The following SLC35D4 variants were observed in gnomAD, a reference collection of about 807,000 sequenced individuals.
SLC35D4 encodes UDP-N-acetylglucosamine transporter SLC35D4.
the SLC35D4 span, chr18:23,421,358 A>C: frequency 6.2e-7 from 1 of 1,612,498 alleles, no homozygotes; most frequent in Non-Finnish European, 8.5e-7. Flanking sequence ...CAGCATAGAG[A>C]GGTTATACCT....
chr18:23,370,146 T>C, the SLC35D4 span: 1 of 1,394,448 alleles, frequency 7.2e-7, no homozygotes, highest in East Asian at 2.5e-5. Flanking sequence ...GCCATTGCAC[T>C]CCAGATCACG....
At chr18:23,253,584 C>T in the SLC35D4 span, 2 of 679,240 alleles carry the variant, frequency 2.9e-6, no homozygotes, top group Non-Finnish European at 2.5e-6. Flanking sequence ...ATAACGCAGC[C>T]TTCACACTCC....
chr18:23,295,935 A>G, the SLC35D4 span: 1 of 152,136 alleles, frequency 6.6e-6, no homozygotes, highest in African/African-American at 2.4e-5. Flanking sequence ...TATTTGAAAC[A>G]TCTATTAGGA....
chr18:23,432,729 C>T, the SLC35D4 span, among the ~76,000 whole-genome samples: 12 of 149,726 alleles, frequency 8.0e-5, no homozygotes, highest in East Asian at 2.0e-4. Flanking sequence ...GAGCCATTGA[C>T]GCCTGTAATT....
the SLC35D4 span, chr18:23,376,793 C>T: frequency 2.2e-6 from 1 of 456,400 alleles, no homozygotes; most frequent in Non-Finnish European, 4.4e-6. Context: ...AGACACCTGC[C>T]TGCCTTCCCA....
the SLC35D4 span, among the ~76,000 whole-genome samples, chr18:23,247,496 C>T: frequency 1.2e-4 from 19 of 152,332 alleles, no homozygotes; most frequent in Admixed American, 9.1e-4. Context: ...TTGCCTGGTC[C>T]GCTGTGGCAG....
the SLC35D4 span, among the ~76,000 whole-genome samples, chr18:23,393,570 C>T: frequency 6.6e-6 from 1 of 152,148 alleles, no homozygotes; most frequent in Non-Finnish European, 1.5e-5. Context: ...ATGTTGCAGC[C>T]AGGATTTTCT....
the SLC35D4 span, among the ~76,000 whole-genome samples, chr18:23,418,962 C>T: frequency 6.6e-5 from 10 of 151,450 alleles, no homozygotes; most frequent in African/African-American, 1.7e-4. Context: ...GAGCTGAGAT[C>T]GCGCCACTGC....
At chr18:23,386,403 G>C in the SLC35D4 span, among the ~76,000 whole-genome samples, 4 of 152,092 alleles carry the variant, frequency 2.6e-5, no homozygotes, top group African/African-American at 9.7e-5. Flanking sequence ...CACAAGCTGG[G>C]CAATGCCGTG....
At chr18:23,266,893 C>A in the SLC35D4 span, among the ~76,000 whole-genome samples, 1 of 152,224 alleles carries the variant, frequency 6.6e-6, no homozygotes, top group Non-Finnish European at 1.5e-5. Context: ...GGCTCCCTCG[C>A]CGAAGCTCAG....
At chr18:23,256,822 G>C in the SLC35D4 span, among the ~76,000 whole-genome samples, 1 of 152,178 alleles carries the variant, frequency 6.6e-6, no homozygotes. Context: ...GAATCACTTA[G>C]TTGCCACAGG....
the SLC35D4 span, among the ~76,000 whole-genome samples, chr18:23,411,544 A>AGAAG: frequency 1.3e-5 from 2 of 150,022 alleles, no homozygotes; most frequent in South Asian, 4.3e-4. Context: ...AAAGAAAGAA[A>AGAAG]GAAAGAAAGG....
At chr18:23,400,157 A>AT in the SLC35D4 span, among the ~76,000 whole-genome samples, 1 of 152,198 alleles carries the variant, frequency 6.6e-6, no homozygotes, top group Admixed American at 6.5e-5. Flanking sequence ...TTAACCTGGC[A>AT]TTGCTGGAAT....
chr18:23,256,656 A>G, the SLC35D4 span, among the ~76,000 whole-genome samples: 3 of 151,570 alleles, frequency 2.0e-5, no homozygotes, highest in East Asian at 3.9e-4. Context: ...CATTTTTGTT[A>G]TTTTTAGTAG....
chr18:23,287,600 T>G, the SLC35D4 span, among the ~76,000 whole-genome samples: 1 of 152,210 alleles, frequency 6.6e-6, no homozygotes, highest in Admixed American at 6.5e-5. Context: ...GGTTGGATAC[T>G]TTCGCCTTTG....
the SLC35D4 span, among the ~76,000 whole-genome samples, chr18:23,331,911 A>T: frequency 1.6e-5 from 2 of 124,656 alleles, no homozygotes; most frequent in African/African-American, 3.1e-5. Flanking sequence ...TTTGAGATAG[A>T]GTCTTGCTCT....
At chr18:23,378,627 TACATGTTAGCAGAGAGTA>T in the SLC35D4 span, among the ~76,000 whole-genome samples, 1 of 152,256 alleles carries the variant, frequency 6.6e-6, no homozygotes, top group East Asian at 1.9e-4. Flanking sequence ...AACTCATTTG[TACATGTTAGCAGAGAGTA>T]ACATGTTAGC....
the SLC35D4 span, among the ~76,000 whole-genome samples, chr18:23,239,518 G>C: frequency 5.3e-5 from 8 of 152,348 alleles, no homozygotes; most frequent in African/African-American, 1.9e-4. Context: ...CCTAGAAGCC[G>C]ACATGGGTTA....
chr18:23,260,354 C>A, the SLC35D4 span: 1 of 152,246 alleles, frequency 6.6e-6, no homozygotes, highest in Non-Finnish European at 1.5e-5. Context: ...TCACACAAGC[C>A]ACTCTGTACC....
Sources: gnomAD v4.1 joint callset for allele counts (sites outside exome capture counted in the v4.1 genomes callset) on GRCh38, gnomAD v4.1.1 for gene constraint, MANE v1.5 for transcripts, NCBI Gene and HGNC (gene_info 2026-07-23, HGNC 2026-07-21) for gene names.